EPS15L1: variants seen among roughly 807,000 people sequenced by gnomAD.
EPS15L1 encodes epidermal growth factor receptor substrate 15-like 1.
Under a neutral mutation model 117.1 loss-of-function variants are expected in EPS15L1, and 43 were observed. The ratio of observed to expected loss-of-function variants is 0.37; its 90% confidence interval spans 0.29 to 0.47. EPS15L1 has a LOEUF of 0.47. EPS15L1 is among the 20% of genes least tolerant of loss of function. The probability of loss-of-function intolerance (pLI) is 0.99; values close to 1 mark genes in which losing one functional copy is unlikely to be tolerated. For synonymous variants in EPS15L1, 459 were observed against 470.5 expected, an observed-to-expected ratio of 0.98 and a Z score of 0.32; for missense variants, 981 against 1,164.0, an observed-to-expected ratio of 0.84 and a Z score of 2.29.
At chr19:16,430,146 C>T (rs918611805) in intron 7 of EPS15L1, among the ~76,000 whole-genome samples, 1 of 152,218 alleles carries the variant, frequency 6.6e-6, no homozygotes, top group Admixed American at 6.5e-5. Flanking sequence ...GTCCCCCTCA[C>T]CCTGGAGGAT....
At chr19:16,455,830 A>G (rs2093189972) in intron 1 of EPS15L1, among the ~76,000 whole-genome samples, 2 of 151,906 alleles carry the variant, frequency 1.3e-5, no homozygotes, top group African/African-American at 4.8e-5. Context: ...TCCAGGTAAA[A>G]ATGTACCCTC....
chr19:16,396,226 C>T (rs185782610), intron 16 of EPS15L1, among the ~76,000 whole-genome samples: 4 of 152,250 alleles, frequency 2.6e-5, no homozygotes, highest in Admixed American at 2.6e-4. Context: ...ACAGGAGGAA[C>T]TGGGTGTGGG....
At chr19:16,420,559 A>G (rs2092803632) in intron 10 of EPS15L1, among the ~76,000 whole-genome samples, 1 of 152,186 alleles carries the variant, frequency 6.6e-6, no homozygotes, top group South Asian at 2.1e-4. Flanking sequence ...GTGAATTACC[A>G]CTAAGGACAG....
chr19:16,434,229 C>T lies in EPS15L1; in HGVS notation c.498+136G>A, dbSNP rs748629497. The T allele has an allele frequency of 3.2e-4, 386 of 1,189,464 alleles. 1 individual carries two copies. In the Middle Eastern group the frequency reaches 3.6e-3, roughly 11 times the overall value. 73.7% of individuals were successfully genotyped at this position (1,189,464 alleles called of 1,614,324 possible). A position where few individuals can be genotyped will look rare whatever the true frequency, so the allele number is the denominator to read the frequency against. ...CCAGCTGGGGCTGGACCCACAGGAG[C>T]GCTGATGAAAGCCCCTGATGGCACA... On this transcript the variant is annotated intron_variant, in intron 7 of 23. Coordinates refer to ENST00000455140, the MANE Select transcript of EPS15L1 (RefSeq NM_001258374.3).
chr19:16,445,962 A>C (rs958515607), intron 1 of EPS15L1, among the ~76,000 whole-genome samples: 1 of 152,238 alleles, frequency 6.6e-6, no homozygotes, highest in Non-Finnish European at 1.5e-5. Flanking sequence ...GATGAGGTTC[A>C]GTGTAGCTTT....
chr19:16,450,479 T>TC (rs1568461885), intron 1 of EPS15L1, among the ~76,000 whole-genome samples: 1 of 142,668 alleles, frequency 7.0e-6, no homozygotes, highest in Non-Finnish European at 1.5e-5. Flanking sequence ...TCCATCTTCT[T>TC]TTTTTTTTTT....
At chr19:16,392,509 T>G in intron 18 of EPS15L1, 69 bp from the exon 19 acceptor site, 1 of 1,413,668 alleles carries the variant, frequency 7.1e-7, no homozygotes, top group Non-Finnish European at 9.9e-7. Flanking sequence ...AAAGAACACA[T>G]CACAGAATGA....
intron 6 of EPS15L1, chr19:16,434,756 T>C (rs1310836855): frequency 3.0e-6 from 1 of 338,306 alleles, no homozygotes; most frequent in Non-Finnish European, 5.5e-6. Flanking sequence ...TCCTTCGTCC[T>C]AGCTGCTGCC....
chr19:16,428,061 C>A (rs557190473), intron 8 of EPS15L1, among the ~76,000 whole-genome samples: 1 of 144,810 alleles, frequency 6.9e-6, no homozygotes, highest in East Asian at 2.1e-4. Flanking sequence ...ATGAGGTGGG[C>A]ATAGTGGCAG....
At chr19:16,407,285 C>G (rs910112313) in intron 13 of EPS15L1, among the ~76,000 whole-genome samples, 1 of 152,088 alleles carries the variant, frequency 6.6e-6, no homozygotes, top group Non-Finnish European at 1.5e-5. Context: ...CTCTCCCTTC[C>G]CTTTCTTCTC....
chr19:16,363,675 C>T (rs553149898), intron 22 of EPS15L1, among the ~76,000 whole-genome samples: 15 of 152,260 alleles, frequency 9.9e-5, no homozygotes, highest in Admixed American at 8.5e-4. Context: ...AGAAGGAGGG[C>T]GCCAAACAAG....
At chr19:16,442,266 T>C in intron 1 of EPS15L1, 47 bp from the exon 2 acceptor site, 4 of 1,568,036 alleles carry the variant, frequency 2.6e-6, no homozygotes, top group Non-Finnish European at 3.5e-6. Context: ...CACAACCCCT[T>C]GGGGAAAAAA....
chr19:16,372,670 G>A (rs548218885), intron 22 of EPS15L1, among the ~76,000 whole-genome samples: 13 of 152,316 alleles, frequency 8.5e-5, no homozygotes, highest in South Asian at 4.1e-4. Flanking sequence ...AGAAGCCTGC[G>A]TCCCGGTCCC....
chr19:16,407,083 A>T (rs1029674257), intron 13 of EPS15L1, among the ~76,000 whole-genome samples: 1 of 152,172 alleles, frequency 6.6e-6, no homozygotes, highest in Non-Finnish European at 1.5e-5. Context: ...CTGAACTGTG[A>T]GCAGTAAACT....
intron 19 of EPS15L1, among the ~76,000 whole-genome samples, chr19:16,388,193 C>A (rs775185162): frequency 3.9e-5 from 6 of 152,136 alleles, no homozygotes; most frequent in African/African-American, 7.2e-5. Context: ...CAAGTGTGCA[C>A]CACCACGCCT....
At chr19:16,437,096 A>G in intron 5 of EPS15L1, 97 bp from the exon 6 acceptor site, 2 of 1,045,804 alleles carry the variant, frequency 1.9e-6, no homozygotes, top group South Asian at 2.7e-5. Flanking sequence ...AAGTGCTTTC[A>G]AAAAAGGGAA....
intron 22 of EPS15L1, among the ~76,000 whole-genome samples, chr19:16,367,774 C>G (rs1337857207): frequency 6.8e-6 from 1 of 146,736 alleles, no homozygotes; most frequent in Non-Finnish European, 1.5e-5. Context: ...AAAAAAAAAC[C>G]CAAAAAACAA....
chr19:16,383,361 G>A lies in EPS15L1; in HGVS notation c.2247+1768C>T, dbSNP rs904777265. 2 of 152,190 alleles carry A rather than the reference G, an allele frequency of 1.3e-5. No homozygotes were observed. Among genetic ancestry groups the A allele is most frequent in the Admixed American group, 6.5e-5 (1 of 15,278 alleles). 9.4% of individuals were successfully genotyped at this position (152,190 alleles called of 1,614,324 possible). A position where few individuals can be genotyped will look rare whatever the true frequency, so the allele number is the denominator to read the frequency against. On this transcript the variant is annotated intron_variant, in intron 21 of 23. Coordinates refer to ENST00000455140, the MANE Select transcript of EPS15L1 (RefSeq NM_001258374.3). This position sits in a 1 kb window ranked among gnomAD's most constrained non-coding sequence, Gnocchi z 5.2. ...TCCCTCCCTCTGCTCACAGTGAGAG[G>A]AGGAAGACAGATCCAGCCTCCCAAA...
intron 18 of EPS15L1, among the ~76,000 whole-genome samples, chr19:16,393,054 T>A (rs990562635): frequency 3.4e-5 from 5 of 148,778 alleles, no homozygotes; most frequent in Non-Finnish European, 7.4e-5. Flanking sequence ...AATAAATAAA[T>A]AAAATATCCT....
Sources: gnomAD v4.1 joint callset for allele counts (sites outside exome capture counted in the v4.1 genomes callset) on GRCh38, gnomAD v4.1.1 for gene constraint, Gnocchi (gnomAD v3.1) non-coding constraint, MANE v1.5 for transcripts, NCBI Gene and HGNC (gene_info 2026-07-23, HGNC 2026-07-21) for gene names.